MTHFD2L: variants seen among roughly 807,000 people sequenced by gnomAD.
MTHFD2L encodes methylenetetrahydrofolate dehydrogenase (NADP+ dependent) 2 like.
A neutral mutation model predicts 34.9 loss-of-function variants in MTHFD2L; 29 were observed. The observed-to-expected ratio is 0.83, with a 90% CI of 0.62 to 1.13. The LOEUF is 1.13. MTHFD2L is among the 50% of genes most tolerant of loss of function. The pLI, the probability that MTHFD2L is intolerant of heterozygous loss-of-function variation, is 0.00. For missense variants in MTHFD2L, 481 were observed against 446.5 expected (o/e 1.08, Z -0.70); for synonymous variants, 167 against 155.7 (o/e 1.07, Z -0.54).
intron 6 of MTHFD2L, among the ~76,000 whole-genome samples, chr4:74,270,319 C>T (rs748610958): frequency 2.0e-5 from 3 of 152,110 alleles, no homozygotes; most frequent in African/African-American, 7.2e-5. Flanking sequence ...TTCCCTCCCC[C>T]CTTCCCTCAC....
chr4:74,150,338 C>T (rs746255994), intron 1 of MTHFD2L, among the ~76,000 whole-genome samples: 3 of 152,244 alleles, frequency 2.0e-5, no homozygotes, highest in Admixed American at 2.0e-4. Context: ...ACTGCAACTT[C>T]CACTTCCCAG....
At chr4:74,190,347 G>T (rs1578408963) in intron 3 of MTHFD2L, 2 of 324,360 alleles carry the variant, frequency 6.2e-6, no homozygotes, top group Non-Finnish European at 4.4e-6. Flanking sequence ...TAGGGTAAAG[G>T]TTAGCAACCT....
At chr4:74,233,452 A>C (rs1740387268) in intron 6 of MTHFD2L, among the ~76,000 whole-genome samples, 1 of 152,046 alleles carries the variant, frequency 6.6e-6, no homozygotes, top group Non-Finnish European at 1.5e-5. Context: ...GTGTTTATAA[A>C]CTGTCATGAG....
In MTHFD2L at chr4:74,174,575, G is replaced by A. The variant is rs1452606010; in HGVS notation, c.213G>A (p.Val71=). 5.6e-6 allele frequency: 9 copies of A among 1,606,792 alleles called. No individual in the cohort carries two copies. Among genetic ancestry groups the A allele is most frequent in the Non-Finnish European group, 7.6e-6 (9 of 1,177,006 alleles). The change falls in exon 2 of 8, where the codon GTG becomes GTA. Residue 71 remains valine, a synonymous_variant. Coordinates refer to ENST00000325278, the MANE Select transcript of MTHFD2L (RefSeq NM_001144978.3). ...KHIQKEIQRG[V]ESWVSLGNRR... is the part of the protein sequence containing the mutation. The stretch of plus-strand genomic sequence containing the variant: ...TCCAGAAAGAAATACAGCGAGGTGT[G>A]GAATCATGGGTTTCCCTTGGAAACA...
At chr4:74,119,936 T>G (rs1350207897), upstream of MTHFD2L, among the ~76,000 whole-genome samples, 1 of 152,030 alleles carries the variant, frequency 6.6e-6, no homozygotes, top group African/African-American at 2.4e-5. Context: ...CTTCACTGCA[T>G]GGAAACCAAG....
At chr4:74,271,711 T>G (rs965094165) in intron 6 of MTHFD2L, among the ~76,000 whole-genome samples, 6 of 152,194 alleles carry the variant, frequency 3.9e-5, no homozygotes, top group African/African-American at 1.2e-4. Context: ...GTGAAGAAAG[T>G]CATTGGTAGC....
At chr4:74,151,761 T>C (rs1367121794) in intron 1 of MTHFD2L, among the ~76,000 whole-genome samples, 1 of 152,218 alleles carries the variant, frequency 6.6e-6, no homozygotes, top group Non-Finnish European at 1.5e-5. Context: ...AGTCGACATA[T>C]TTACAATATT....
intron 1 of MTHFD2L, among the ~76,000 whole-genome samples, chr4:74,128,971 C>A (rs1722274895): frequency 6.6e-6 from 1 of 152,062 alleles, no homozygotes; most frequent in Non-Finnish European, 1.5e-5. Flanking sequence ...TGAGACTCTT[C>A]TCTTCCTTTA....
At chr4:74,241,070 A>G (rs1741631806) in intron 6 of MTHFD2L, among the ~76,000 whole-genome samples, 1 of 152,188 alleles carries the variant, frequency 6.6e-6, no homozygotes, top group African/African-American at 2.4e-5. Flanking sequence ...CCATATATGT[A>G]GTATAAAGAA....
chr4:74,283,268 T>C (rs1747727765), intron 7 of MTHFD2L, among the ~76,000 whole-genome samples: 1 of 152,184 alleles, frequency 6.6e-6, no homozygotes, highest in Non-Finnish European at 1.5e-5. Context: ...CCATGCTTTC[T>C]TCTTTTTTAA....
At chr4:74,195,268 A>G (rs1733275447) in intron 3 of MTHFD2L, 3 of 152,226 alleles carry the variant, frequency 2.0e-5, no homozygotes, top group Admixed American at 6.5e-5. Flanking sequence ...TTTTTAAGGT[A>G]ATAACATTGC....
At chr4:74,140,070 C>G (rs1308699421) in intron 1 of MTHFD2L, among the ~76,000 whole-genome samples, 1 of 152,012 alleles carries the variant, frequency 6.6e-6, no homozygotes, top group African/African-American at 2.4e-5. Context: ...AATTCTAACA[C>G]TTTAGGAGGC....
intron 6 of MTHFD2L, among the ~76,000 whole-genome samples, chr4:74,278,326 G>A (rs1284759250): frequency 4.6e-5 from 7 of 152,078 alleles, no homozygotes; most frequent in African/African-American, 7.2e-5. Flanking sequence ...ATCAAGTACA[G>A]CACTTCATGA....
upstream of MTHFD2L, among the ~76,000 whole-genome samples, chr4:74,120,761 A>G (rs1028127548): frequency 6.6e-6 from 1 of 152,228 alleles, no homozygotes; most frequent in African/African-American, 2.4e-5. Context: ...TCTTATATAC[A>G]TAAGTGAGAT....
At chr4:74,278,580 G>A (rs768226388) in intron 6 of MTHFD2L, among the ~76,000 whole-genome samples, 1 of 152,042 alleles carries the variant, frequency 6.6e-6, no homozygotes, top group South Asian at 2.1e-4. Flanking sequence ...TCTGGGGCCC[G>A]ATCAAGCATC....
chr4:74,237,978 ATGG>A (rs1741097761), intron 6 of MTHFD2L, among the ~76,000 whole-genome samples: 1 of 152,192 alleles, frequency 6.6e-6, no homozygotes, highest in Non-Finnish European at 1.5e-5. Context: ...TATTCAGAGC[ATGG>A]TGTTACTGAA....
intron 1 of MTHFD2L, among the ~76,000 whole-genome samples, chr4:74,151,783 T>A (rs911809453): frequency 1.3e-5 from 2 of 152,212 alleles, no homozygotes; most frequent in African/African-American, 4.8e-5. Context: ...AGCATCTTGG[T>A]CTTTCTATTA....
chr4:74,291,518 C>T (rs779489788), intron 7 of MTHFD2L, among the ~76,000 whole-genome samples: 1 of 152,208 alleles, frequency 6.6e-6, no homozygotes, highest in Non-Finnish European at 1.5e-5. Flanking sequence ...AACACATATT[C>T]ATTAATGATA....
At chr4:74,267,015 T>C in intron 6 of MTHFD2L, 1 of 985,432 alleles carries the variant, frequency 1.0e-6, no homozygotes, top group Non-Finnish European at 1.2e-6. Flanking sequence ...GGGATTTGGC[T>C]GGTAGCAGAG....
Sources: gnomAD v4.1 joint callset for allele counts (sites outside exome capture counted in the v4.1 genomes callset) on GRCh38, gnomAD v4.1.1 for gene constraint, MANE v1.5 for transcripts, NCBI Gene and HGNC (gene_info 2026-07-23, HGNC 2026-07-21) for gene names.